SOX6: variants seen among roughly 807,000 people sequenced by gnomAD.
SOX6 encodes the protein SRY-box transcription factor 6.
SOX6 carries 11 observed loss-of-function variants against 97.8 expected under a neutral mutation model. The observed-to-expected ratio is 0.11, with a 90% CI of 0.07 to 0.19. The LOEUF (loss-of-function observed/expected upper bound fraction) is 0.19, where lower values mean the gene tolerates loss of function less well. Among genes scored for constraint, SOX6 ranks in the 10% least tolerant of loss-of-function variants. The pLI is 1.00. For synonymous variants in SOX6, 360 were observed against 371.4 expected, an observed-to-expected ratio of 0.97 and a Z score of 0.35; for missense variants, 810 against 1,039.5, an observed-to-expected ratio of 0.78 and a Z score of 3.04.
At chr11:15,986,000 T>A (rs1374574917) in intron 15 of SOX6, among the ~76,000 whole-genome samples, 1 of 152,146 alleles carries the variant, frequency 6.6e-6, no homozygotes, top group Non-Finnish European at 1.5e-5. Context: ...GAGTGAACTG[T>A]TCCAGGTTTG....
At chr11:16,694,908 A>G (rs1436649183) in intron 3 of SOX6, among the ~76,000 whole-genome samples, 2 of 152,274 alleles carry the variant, frequency 1.3e-5, no homozygotes, top group East Asian at 3.8e-4. Context: ...AACAAACAGT[A>G]TAACAACTAT....
At chr11:16,458,065 G>T (rs1031939956) in intron 1 of SOX6, among the ~76,000 whole-genome samples, 4 of 151,830 alleles carry the variant, frequency 2.6e-5, no homozygotes, top group Admixed American at 6.6e-5. Flanking sequence ...ACCACCTTTT[G>T]CTCTCATGTT....
At chr11:16,219,333 T>TA (rs1852470176) in intron 4 of SOX6, among the ~76,000 whole-genome samples, 1 of 152,108 alleles carries the variant, frequency 6.6e-6, no homozygotes, top group Non-Finnish European at 1.5e-5. Context: ...TAATTTTATT[T>TA]AAAATCACCT....
chr11:16,092,289 A>T (rs78946703), intron 9 of SOX6, among the ~76,000 whole-genome samples: 1 of 152,166 alleles, frequency 6.6e-6, no homozygotes, highest in African/African-American at 2.4e-5. Flanking sequence ...GTAATAAAAA[A>T]TAGTAAGAAA....
chr11:16,523,636 G>C (rs1311111686), intron 4 of SOX6, among the ~76,000 whole-genome samples: 1 of 152,000 alleles, frequency 6.6e-6, no homozygotes, highest in Admixed American at 6.6e-5. Flanking sequence ...TAAGATCAGA[G>C]CAAAACTGAA....
At chr11:16,009,839 C>T (rs1185803417) in intron 13 of SOX6, among the ~76,000 whole-genome samples, 1 of 151,968 alleles carries the variant, frequency 6.6e-6, no homozygotes, top group African/African-American at 2.4e-5. Flanking sequence ...CCAGATTAGG[C>T]TACAGTTTGC....
chr11:16,514,230 A>T (rs1452695410), intron 4 of SOX6, among the ~76,000 whole-genome samples: 1 of 151,774 alleles, frequency 6.6e-6, no homozygotes, highest in African/African-American at 2.4e-5. Context: ...AAAAAAAAAA[A>T]AAGGTGTTTA....
At chr11:16,491,101 A>C (rs1029646474) in intron 4 of SOX6, among the ~76,000 whole-genome samples, 35 of 152,170 alleles carry the variant, frequency 2.3e-4, no homozygotes, top group African/African-American at 8.2e-4. Context: ...AAATTGTCAG[A>C]ATTTGTAGAT....
chr11:16,410,691 C>T (rs536955458), intron 1 of SOX6, among the ~76,000 whole-genome samples: 4 of 141,668 alleles, frequency 2.8e-5, no homozygotes, highest in East Asian at 4.2e-4. Flanking sequence ...CCTGGGAGGT[C>T]GAGACTGCAG....
intron 4 of SOX6, among the ~76,000 whole-genome samples, chr11:16,496,889 G>A (rs111664472): frequency 0.012 from 1,847 of 152,306 alleles, 33 homozygotes; most frequent in African/African-American, 0.041. Context: ...TCCACCTCTG[G>A]GGAGAGTGCA....
At chr11:16,317,134 A>C (rs1264812614) in intron 3 of SOX6, 1 of 151,656 alleles carries the variant, frequency 6.6e-6, no homozygotes, top group African/African-American at 2.4e-5. Flanking sequence ...AGACACAAAA[A>C]CTCTTAAGTT....
At chr11:16,183,445 G>A (rs561943625) in intron 6 of SOX6, among the ~76,000 whole-genome samples, 28 of 151,972 alleles carry the variant, frequency 1.8e-4, no homozygotes, top group Admixed American at 2.6e-4. Context: ...TATTTGTTAA[G>A]GAACAAATTA....
chr11:16,535,492 C>G (rs866842025), intron 4 of SOX6, among the ~76,000 whole-genome samples: 8 of 151,918 alleles, frequency 5.3e-5, no homozygotes, highest in Non-Finnish European at 1.5e-5. Flanking sequence ...GGCAACATGG[C>G]AAAACCCCGT....
At chr11:16,487,725 T>A (rs1860458349) in intron 4 of SOX6, among the ~76,000 whole-genome samples, 1 of 152,194 alleles carries the variant, frequency 6.6e-6, no homozygotes, top group Non-Finnish European at 1.5e-5. Flanking sequence ...GATAATTAAA[T>A]CAAGATAAAT....
intron 3 of SOX6, among the ~76,000 whole-genome samples, chr11:16,665,962 G>A (rs1018797451): frequency 3.9e-5 from 6 of 152,220 alleles, no homozygotes; most frequent in Admixed American, 6.5e-5. Context: ...AAGTCTGCAA[G>A]AGCCACAGTA....
chr11:16,685,842 C>A (rs1034384318), intron 3 of SOX6, among the ~76,000 whole-genome samples: 1 of 152,280 alleles, frequency 6.6e-6, no homozygotes, highest in Non-Finnish European at 1.5e-5. Flanking sequence ...GCCTGGGCAC[C>A]TAAGCTTTCT....
chr11:16,385,097 T>C (rs966728317), intron 1 of SOX6, among the ~76,000 whole-genome samples: 5 of 152,102 alleles, frequency 3.3e-5, no homozygotes, highest in African/African-American at 1.2e-4. Flanking sequence ...GTACTGTTGT[T>C]ATTATTATCA....
intron 6 of SOX6, among the ~76,000 whole-genome samples, chr11:16,174,034 C>CTTTTTTTTT (rs76988026): frequency 7.6e-6 from 1 of 132,028 alleles, no homozygotes; most frequent in African/African-American, 2.7e-5. Flanking sequence ...TCCTTTGTTT[C>CTTTTTTTTT]TTTTTTTTTT....
At chr11:15,985,229 T>G (rs773888672) in intron 15 of SOX6, among the ~76,000 whole-genome samples, 1 of 152,230 alleles carries the variant, frequency 6.6e-6, no homozygotes, top group Non-Finnish European at 1.5e-5. Flanking sequence ...TAAAAGTGAA[T>G]AGCTCTTGGC....
Sources: allele counts gnomAD v4.1 joint callset (sites outside exome capture counted in the v4.1 genomes callset), GRCh38; gene constraint gnomAD v4.1.1; transcripts MANE v1.5; gene names NCBI Gene and HGNC (gene_info 2026-07-23, HGNC 2026-07-21).